The following TMPRSS4 variants were observed in gnomAD, a reference collection of about 807,000 sequenced individuals.
TMPRSS4 encodes the protein transmembrane protease serine 4.
Under a neutral mutation model 56.4 loss-of-function variants are expected in TMPRSS4, and 45 were observed. The observed-to-expected ratio is 0.80, with a 90% confidence interval of 0.63 to 1.02. The LOEUF (loss-of-function observed/expected upper bound fraction) is 1.02. Ranked by LOEUF, TMPRSS4 falls within the 50% of genes least tolerant of loss-of-function variation. TMPRSS4 has a pLI of 0.00. For synonymous variants in TMPRSS4, 205 were observed against 211.0 expected (o/e 0.97, Z 0.25); for missense variants, 546 against 556.7 (o/e 0.98, Z 0.19).
At chr11:118,089,009 T>C (rs1210973935) in intron 1 of TMPRSS4, among the ~76,000 whole-genome samples, 1 of 152,176 alleles carries the variant, frequency 6.6e-6, no homozygotes, top group Non-Finnish European at 1.5e-5. Flanking sequence ...TACCCACATC[T>C]CTCAGACCCA....
chr11:118,099,233 C>T (rs1197586503), intron 3 of TMPRSS4, 135 bp downstream of exon 3: 1 of 648,842 alleles, frequency 1.5e-6, no homozygotes, highest in Non-Finnish European at 2.7e-6. Context: ...GCAGTCCCAC[C>T]CCTGCCCTCA....
intron 1 of TMPRSS4, among the ~76,000 whole-genome samples, chr11:118,077,565 G>A (rs1944753787): frequency 6.6e-6 from 1 of 152,156 alleles, no homozygotes; most frequent in South Asian, 2.1e-4. Context: ...TGTCCTTCCC[G>A]ACTATTCTTT....
At position 118,102,665 on chromosome 11, in the gene TMPRSS4, C is replaced by T. The variant is rs549232895; in HGVS notation, c.158-436C>T. Among the ~76,000 whole-genome samples, 4 of 152,170 alleles carry T rather than the reference C, an allele frequency of 2.6e-5. No homozygotes were observed. The East Asian group carries it at 7.7e-4, about 29-fold the overall frequency. On this transcript the variant is annotated intron_variant, in intron 3 of 12. Coordinates refer to ENST00000437212, the MANE Select transcript of TMPRSS4 (RefSeq NM_019894.4). Reference sequence around the variant, plus strand: ...CAGAGGCTACAGTGAGCCAAGATCCCGCCACTGCACTCCAGCCTGGATGAC... The same window carrying T: ...CAGAGGCTACAGTGAGCCAAGATCCTGCCACTGCACTCCAGCCTGGATGAC...
At chr11:118,094,693 C>A in intron 1 of TMPRSS4, 123 bp from the exon 2 acceptor site, 1 of 814,604 alleles carries the variant, frequency 1.2e-6, no homozygotes, top group Non-Finnish European at 2.1e-6. Flanking sequence ...TTGGATAACA[C>A]AGAGACCCCC....
chr11:118,079,112 A>T (rs1044224437), intron 1 of TMPRSS4, among the ~76,000 whole-genome samples: 1 of 152,050 alleles, frequency 6.6e-6, no homozygotes, highest in African/African-American at 2.4e-5. Context: ...TGGGGCCCCA[A>T]AGGCAAGGCA....
chr11:118,117,798 A>G, intron 12 of TMPRSS4, 104 bp from the exon 13 acceptor site: 2 of 1,608,334 alleles, frequency 1.2e-6, no homozygotes, highest in Non-Finnish European at 1.7e-6. Flanking sequence ...GGGTAGGGAG[A>G]GAAGCAAAGT....
At chr11:118,117,479 T>C (rs375196879) in intron 12 of TMPRSS4, 25 bp downstream of exon 12, 2 of 1,598,984 alleles carry the variant, frequency 1.3e-6, no homozygotes, top group East Asian at 4.5e-5. Context: ...CCCTACCCAC[T>C]GTGCCTTCCC....
At chr11:118,079,905 G>A (rs968417232) in intron 1 of TMPRSS4, among the ~76,000 whole-genome samples, 3 of 152,186 alleles carry the variant, frequency 2.0e-5, no homozygotes, top group Non-Finnish European at 4.4e-5. Flanking sequence ...CAGTGGGAAG[G>A]TCCTAAAGGG....
At chr11:118,095,872 G>A (rs1946258469) in intron 2 of TMPRSS4, among the ~76,000 whole-genome samples, 1 of 152,214 alleles carries the variant, frequency 6.6e-6, no homozygotes, top group Non-Finnish European at 1.5e-5. Flanking sequence ...GCTGCAGTGG[G>A]CAGGACAGGC....
At chr11:118,101,712 CA>C (rs1946733027) in intron 3 of TMPRSS4, among the ~76,000 whole-genome samples, 1 of 152,116 alleles carries the variant, frequency 6.6e-6, no homozygotes, top group Admixed American at 6.5e-5. Flanking sequence ...TTCCTGGGCT[CA>C]AACAATCCTC....
In TMPRSS4 at chr11:118,118,927, G is replaced by A; in HGVS notation, c.*1014G>A. 1.7e-5 allele frequency: 17 copies of A among 985,398 alleles called. No homozygotes were observed. The highest frequency in any genetic ancestry group is 2.0e-5 in the Non-Finnish European group (17 of 829,934). The allele number at this position is 985,398 out of a possible 1,614,324, so 61.0% of individuals were successfully genotyped here. A position where few individuals can be genotyped will look rare whatever the true frequency, so the allele number is the denominator to read the frequency against. The stretch of plus-strand genomic sequence containing the variant: ...TGAGGCAGTCCCCAAGCTGAGTTGT[G>A]AGGATGTAAGCATGAATAAGTCCCT... On this transcript the variant is annotated 3_prime_UTR_variant, in exon 13 of 13. Transcript: ENST00000437212.
chr11:118,099,230 C>A (rs1481490887), intron 3 of TMPRSS4, 132 bp downstream of exon 3: 2 of 653,308 alleles, frequency 3.1e-6, no homozygotes, highest in Non-Finnish European at 5.2e-6. Context: ...GAGGCAGTCC[C>A]ACCCCTGCCC....
intron 7 of TMPRSS4, among the ~76,000 whole-genome samples, chr11:118,110,016 C>A (rs1565436344): frequency 6.6e-6 from 1 of 152,154 alleles, no homozygotes; most frequent in Non-Finnish European, 1.5e-5. Flanking sequence ...GACCTAAGCT[C>A]AACAACACTG....
rs74909966 is a variant in TMPRSS4 at position 118,111,563 on chromosome 11, C to T, written c.584-178C>T. On this transcript the variant is annotated intron_variant, in intron 7 of 12. Coordinates refer to ENST00000437212, the MANE Select transcript of TMPRSS4 (RefSeq NM_019894.4). ...AAAGGAGAGGGAGGTTTGAGGAAAG[C>T]CTATGGTCTGGGACACTCAATACCT... Among the ~76,000 whole-genome samples, 784 of 152,244 alleles carry T rather than the reference C, an allele frequency of 5.1e-3. 5 individuals carry two copies. The highest frequency in any genetic ancestry group is 0.018 in the African/African-American group (753 of 41,540).
At position 118,086,542 on chromosome 11, in the gene TMPRSS4, G is replaced by A. The variant is rs560785962; in HGVS notation, c.4-8274G>A. Among the ~76,000 whole-genome samples, 17 of 152,384 alleles carry A rather than the reference G, an allele frequency of 1.1e-4. 1 individual carries two copies. The South Asian group carries it at 3.5e-3, about 32-fold the overall frequency. Reference sequence around the variant, plus strand: ...TTCTGCGTGAGAGCTTAGATGCCCAGCGGCATATGGCCTGGGCTGGTGGCC... The same window carrying A: ...TTCTGCGTGAGAGCTTAGATGCCCAACGGCATATGGCCTGGGCTGGTGGCC... On this transcript the variant is annotated intron_variant, in intron 1 of 12. Coordinates refer to ENST00000437212, the MANE Select transcript of TMPRSS4 (RefSeq NM_019894.4).
At chr11:118,084,212 A>T (rs1018797422) in intron 1 of TMPRSS4, among the ~76,000 whole-genome samples, 2 of 152,130 alleles carry the variant, frequency 1.3e-5, no homozygotes, top group African/African-American at 4.8e-5. Flanking sequence ...ATAACTTGCT[A>T]AAGCCTCAGG....
At chr11:118,098,744 G>A (rs1036890385) in intron 2 of TMPRSS4, among the ~76,000 whole-genome samples, 1 of 152,184 alleles carries the variant, frequency 6.6e-6, no homozygotes, top group Non-Finnish European at 1.5e-5. Context: ...GGCCTGACCT[G>A]GGGGCTCCTT....
chr11:118,101,969 C>A (rs1441966160), intron 3 of TMPRSS4, among the ~76,000 whole-genome samples: 4 of 152,094 alleles, frequency 2.6e-5, no homozygotes, highest in African/African-American at 9.7e-5. Flanking sequence ...AATTTTAGTT[C>A]TTTTTACTTA....
At chr11:118,086,137 G>T (rs577805697) in intron 1 of TMPRSS4, among the ~76,000 whole-genome samples, 1 of 152,366 alleles carries the variant, frequency 6.6e-6, no homozygotes, top group Non-Finnish European at 1.5e-5. Context: ...CATAAGCGCT[G>T]TGCCTCAGTT....
Sources: allele counts gnomAD v4.1 joint callset (sites outside exome capture counted in the v4.1 genomes callset), GRCh38; gene constraint gnomAD v4.1.1; transcripts MANE v1.5; gene names NCBI Gene and HGNC (gene_info 2026-07-23, HGNC 2026-07-21).